PCDHGA3: variants seen among roughly 807,000 people sequenced by gnomAD.
PCDHGA3 encodes the protein protocadherin gamma-A3.
Under a neutral mutation model 58.5 loss-of-function variants are expected in PCDHGA3, and 40 were observed. That is an observed-to-expected ratio of 0.68 (90% CI 0.53 to 0.89). The LOEUF (loss-of-function observed/expected upper bound fraction) is 0.89, where lower values mean the gene tolerates loss of function less well. PCDHGA3 is among the 40% of genes least tolerant of loss of function. PCDHGA3 has a pLI of 0.00. For synonymous variants in PCDHGA3, 530 were observed against 525.7 expected (o/e 1.01, Z -0.11); for missense variants, 1,223 against 1,195.9 (o/e 1.02, Z -0.33).
At chr5:141,452,377 A>G (rs2098740152) in intron 1 of PCDHGA3, among the ~76,000 whole-genome samples, 1 of 152,222 alleles carries the variant, frequency 6.6e-6, no homozygotes, top group African/African-American at 2.4e-5. Flanking sequence ...TTAGTAGGGA[A>G]TAGTATTTAG....
chr5:141,452,710 G>GAAGT (rs1343622540), intron 1 of PCDHGA3, among the ~76,000 whole-genome samples: 1 of 151,996 alleles, frequency 6.6e-6, no homozygotes, highest in Non-Finnish European at 1.5e-5. Flanking sequence ...AGAAAGGAAG[G>GAAGT]AATGAGGGAG....
At chr5:141,357,238 C>T (rs1377383542) in intron 1 of PCDHGA3, 1 of 1,613,756 alleles carries the variant, frequency 6.2e-7, no homozygotes, top group African/African-American at 1.3e-5. Flanking sequence ...CAGCCTCAAG[C>T]CTTCAGCAGA....
At position 141,477,262 on chromosome 5, in the gene PCDHGA3, C is replaced by G; in HGVS notation, c.2425-17545C>G. On this transcript the variant is annotated intron_variant, in intron 1 of 3. Coordinates refer to ENST00000253812, the MANE Select transcript of PCDHGA3 (RefSeq NM_018916.4). The surrounding 1 kb of genome is among the most constrained non-coding windows in gnomAD (Gnocchi z 4.9). ...TCAGTGTGACTGACCTGGATGCTGG[C>G]GAGAACGGGCTGGTGACCTGCGAAG... The G allele has an allele frequency of 6.2e-7, 1 of 1,614,138 alleles. No homozygotes were observed.
Position 141,511,400 on chromosome 5 carries a change from T to C in PCDHGA3, c.*227T>C. The C allele has an allele frequency of 2.0e-6, 2 of 982,250 alleles. No individual in the cohort carries two copies. Among genetic ancestry groups the C allele is most frequent in the Non-Finnish European group, 2.9e-6 (2 of 688,054 alleles). The allele number at this position is 982,250 out of a possible 1,614,324, so 60.8% of individuals were successfully genotyped here. On this transcript the variant is annotated 3_prime_UTR_variant, in exon 4 of 4. Coordinates refer to ENST00000253812, the MANE Select transcript of PCDHGA3 (RefSeq NM_018916.4). ...AGTTCCGCTGGGAACCCCCATCCAA[T>C]CAACTGCTGTACCCATGGGGGTAGT...
chr5:141,504,941 T>G (rs2099842166), intron 2 of PCDHGA3, among the ~76,000 whole-genome samples: 1 of 152,046 alleles, frequency 6.6e-6, no homozygotes, highest in East Asian at 1.9e-4. Flanking sequence ...GGTGGGGGAA[T>G]GCACTATGTT....
chr5:141,365,149 A>G, intron 1 of PCDHGA3: 1 of 1,613,978 alleles, frequency 6.2e-7, no homozygotes, highest in South Asian at 1.1e-5. Context: ...ATGAGGGAAT[A>G]AACGGGAAAT....
At position 141,489,599 on chromosome 5, in the gene PCDHGA3, A is replaced by T; in HGVS notation, c.2425-5208A>T. The T allele has an allele frequency of 6.2e-7, 1 of 1,614,020 alleles. No homozygotes were observed. The highest frequency in any genetic ancestry group is 8.5e-7 in the Non-Finnish European group (1 of 1,179,970). On this transcript the variant is annotated intron_variant, in intron 1 of 3. Coordinates refer to ENST00000253812, the MANE Select transcript of PCDHGA3 (RefSeq NM_018916.4). This position sits in a 1 kb window ranked among gnomAD's most constrained non-coding sequence, Gnocchi z 4.5. ...CACCCCCTGGAGCTAATCCGTGTAGAGGTAGAGATCCTGGATCTCAATGAC... is the reference window on the plus strand; with the variant it reads ...CACCCCCTGGAGCTAATCCGTGTAGTGGTAGAGATCCTGGATCTCAATGAC...
chr5:141,436,040 C>T (rs989038133), intron 1 of PCDHGA3, among the ~76,000 whole-genome samples: 1 of 152,060 alleles, frequency 6.6e-6, no homozygotes, highest in African/African-American at 2.4e-5. Context: ...TTTGTATTTA[C>T]ATTAGTTTTC....
chr5:141,433,017 A>G, intron 1 of PCDHGA3: 2 of 1,614,124 alleles, frequency 1.2e-6, no homozygotes, highest in Non-Finnish European at 8.5e-7. Context: ...CTGCAGACCT[A>G]TTCCCACGAG....
intron 1 of PCDHGA3, chr5:141,400,383 T>C (rs1267422491): frequency 6.2e-7 from 1 of 1,614,088 alleles, no homozygotes. Flanking sequence ...ACCTATGTGT[T>C]GCACATACAG....
intron 1 of PCDHGA3, among the ~76,000 whole-genome samples, chr5:141,494,463 C>G (rs1178793763): frequency 6.6e-6 from 1 of 152,154 alleles, no homozygotes; most frequent in Non-Finnish European, 1.5e-5. Context: ...TTGTCTGCAC[C>G]TCTTCCCCCA....
chr5:141,502,084 G>A (rs1438350526), intron 2 of PCDHGA3, among the ~76,000 whole-genome samples: 1 of 152,154 alleles, frequency 6.6e-6, no homozygotes, highest in African/African-American at 2.4e-5. Context: ...CTGGGGCTGA[G>A]AACACCTGGC....
chr5:141,458,390 C>T (rs2098944487), intron 1 of PCDHGA3, among the ~76,000 whole-genome samples: 1 of 152,058 alleles, frequency 6.6e-6, no homozygotes, highest in Non-Finnish European at 1.5e-5. Context: ...GAAGACGCTC[C>T]CCCTTGCAGA....
At chr5:141,383,034 G>A in intron 1 of PCDHGA3, 2 of 1,613,860 alleles carry the variant, frequency 1.2e-6, no homozygotes. Context: ...GGTCCTTTGT[G>A]GGAGACATCG....
At chr5:141,430,149 C>T (rs1051033560) in intron 1 of PCDHGA3, among the ~76,000 whole-genome samples, 4 of 151,968 alleles carry the variant, frequency 2.6e-5, no homozygotes, top group African/African-American at 9.7e-5. Flanking sequence ...CAGGATCATT[C>T]AAGGAATCTA....
chr5:141,431,976 C>T lies in PCDHGA3; in HGVS notation c.2425-62831C>T, dbSNP rs2097433306. ...TACGGAAATTACTATAGTTTAGTCACAGACATAGTCTTGGATAGGGAACAG... is the reference window on the plus strand; with the variant it reads ...TACGGAAATTACTATAGTTTAGTCATAGACATAGTCTTGGATAGGGAACAG... On this transcript the variant is annotated intron_variant, in intron 1 of 3. Transcript: ENST00000253812. This position sits in a 1 kb window ranked among gnomAD's most constrained non-coding sequence, Gnocchi z 4.8. 6.2e-7 allele frequency: 1 copy of T among 1,614,078 alleles called. No individual in the cohort carries two copies. The highest frequency in any genetic ancestry group is 1.3e-5 in the African/African-American group (1 of 74,934).
intron 1 of PCDHGA3, chr5:141,441,669 T>C: frequency 3.5e-6 from 1 of 287,870 alleles, no homozygotes; most frequent in Non-Finnish European, 6.8e-6. Context: ...GAGCGCACAG[T>C]GCGCCTTCGA....
Position 141,345,420 on chromosome 5 carries a change from G to C in PCDHGA3, c.1387G>C (p.Glu463Gln). The C allele has an allele frequency of 6.2e-7, 1 of 1,613,994 alleles. No homozygotes were observed. Among genetic ancestry groups the C allele is most frequent in the Middle Eastern group, 1.6e-4 (1 of 6,062 alleles). Residue 463 changes from glutamate to glutamine, a missense_variant, in exon 1 of 4, where the codon GAA becomes CAA. Around this residue, in one of 3 missense-constraint regions of PCDHGA3, gnomAD observed 791 missense variants for 708.5 expected, o/e 1.12. Transcript: ENST00000253812. Reference protein sequence around the residue: ...PHLSYSAYIPENNPRGASIFS... With the variant: ...PHLSYSAYIPQNNPRGASIFS... ...TTTATCCTACTCCGCCTACATTCCA[G>C]AAAACAACCCCAGAGGAGCCTCCAT...
intron 1 of PCDHGA3, chr5:141,402,972 G>C: frequency 6.2e-7 from 1 of 1,608,318 alleles, no homozygotes; most frequent in Non-Finnish European, 8.5e-7. Flanking sequence ...CCAACCAAAT[G>C]CCAGCTCCGC....
Sources: gnomAD v4.1 joint callset for allele counts (sites outside exome capture counted in the v4.1 genomes callset) on GRCh38, gnomAD v4.1.1 for gene constraint, gnomAD v4.1.1 regional missense constraint, Gnocchi (gnomAD v3.1) non-coding constraint, MANE v1.5 for transcripts, NCBI Gene and HGNC (gene_info 2026-07-23, HGNC 2026-07-21) for gene names.